The following SEMA6D variants were observed in gnomAD, a reference collection of about 807,000 sequenced individuals.
SEMA6D encodes the protein semaphorin-6D.
A neutral mutation model predicts 106.6 loss-of-function variants in SEMA6D; 35 were observed. The ratio of observed to expected loss-of-function variants is 0.33; its 90% CI spans 0.25 to 0.44. The LOEUF (loss-of-function observed/expected upper bound fraction) is 0.44. Among genes scored for constraint, SEMA6D ranks in the 20% least tolerant of loss-of-function variants. The probability of loss-of-function intolerance (pLI) is 1.00; values close to 1 mark genes in which losing one functional copy is unlikely to be tolerated. For missense variants in SEMA6D, 1,185 were observed against 1,345.9 expected (o/e 0.88, Z 1.87); for synonymous variants, 499 against 487.7 (o/e 1.02, Z -0.31).
At chr15:47,443,972 T>C (rs868147837) in intron 2 of SEMA6D, among the ~76,000 whole-genome samples, 35 of 152,242 alleles carry the variant, frequency 2.3e-4, no homozygotes, top group Middle Eastern at 3.4e-3. Flanking sequence ...AACAAATTGA[T>C]GATTTAGAAG....
chr15:47,557,326 C>G (rs1193957343), intron 3 of SEMA6D, among the ~76,000 whole-genome samples: 1 of 152,178 alleles, frequency 6.6e-6, no homozygotes, highest in East Asian at 1.9e-4. Context: ...AGTTAGCTAC[C>G]TACACTTGGA....
intron 1 of SEMA6D, among the ~76,000 whole-genome samples, chr15:47,284,457 C>T (rs1246989575): frequency 1.3e-5 from 2 of 152,070 alleles, no homozygotes; most frequent in Non-Finnish European, 2.9e-5. Flanking sequence ...TTTTTAAGTC[C>T]GTTGTACTAT....
At chr15:47,559,064 A>G (rs755413278) in intron 3 of SEMA6D, among the ~76,000 whole-genome samples, 10 of 152,092 alleles carry the variant, frequency 6.6e-5, no homozygotes, top group Admixed American at 2.0e-4. Flanking sequence ...AGATTAAGAG[A>G]TTAGAAATGA....
intron 4 of SEMA6D, among the ~76,000 whole-genome samples, chr15:47,691,416 A>T (rs1023825941): frequency 2.0e-5 from 3 of 152,158 alleles, no homozygotes; most frequent in Admixed American, 6.6e-5. Flanking sequence ...ACTGTAGTCA[A>T]AGAGGAGTAC....
chr15:47,365,923 G>GAGAGAGAGAGAGAGAA (rs1245271970), intron 1 of SEMA6D, among the ~76,000 whole-genome samples: 1 of 128,182 alleles, frequency 7.8e-6, no homozygotes, highest in Admixed American at 8.0e-5. Flanking sequence ...GAGAGAGAGA[G>GAGAGAGAGAGAGAGAA]AAAAGAAAGA....
intron 3 of SEMA6D, among the ~76,000 whole-genome samples, chr15:47,483,199 G>A (rs976438455): frequency 6.6e-6 from 1 of 152,056 alleles, no homozygotes; most frequent in African/African-American, 2.4e-5. Flanking sequence ...AATATTTGCT[G>A]GAAAACCTCA....
chr15:47,587,788 CTTTCT>C (rs1158872713), intron 3 of SEMA6D, among the ~76,000 whole-genome samples: 1 of 43,934 alleles, frequency 2.3e-5, no homozygotes, highest in African/African-American at 5.2e-5. Flanking sequence ...TTTACTTTTT[CTTTCT>C]TTTTTTTTTT....
At chr15:47,766,288 T>TTA in intron 15 of SEMA6D, 106 bp downstream of exon 15, 1 of 980,568 alleles carries the variant, frequency 1.0e-6, no homozygotes, top group Non-Finnish European at 1.5e-6. Flanking sequence ...TTTTTTTTTG[T>TTA]TGTTATGGGA....
chr15:47,713,519 G>A (rs2079058274), upstream of SEMA6D, among the ~76,000 whole-genome samples: 1 of 152,172 alleles, frequency 6.6e-6, no homozygotes, highest in Admixed American at 6.5e-5. Flanking sequence ...ATCATGTCAT[G>A]GAGAGCTTAG....
At chr15:47,327,483 T>C (rs1399559982) in intron 1 of SEMA6D, among the ~76,000 whole-genome samples, 1 of 152,214 alleles carries the variant, frequency 6.6e-6, no homozygotes, top group Admixed American at 6.5e-5. Flanking sequence ...GTGGTAAAAT[T>C]ACTTTATATT....
At chr15:47,489,761 C>T (rs955408900) in intron 3 of SEMA6D, among the ~76,000 whole-genome samples, 7 of 152,168 alleles carry the variant, frequency 4.6e-5, no homozygotes, top group African/African-American at 1.7e-4. Flanking sequence ...AAGCGATTCT[C>T]CTGCCTCAGC....
At chr15:47,568,462 A>G (rs1021420226) in intron 3 of SEMA6D, among the ~76,000 whole-genome samples, 1 of 152,188 alleles carries the variant, frequency 6.6e-6, no homozygotes, top group Non-Finnish European at 1.5e-5. Context: ...TCTATATATC[A>G]TTTTTAAATA....
chr15:47,329,386 G>A (rs150290009), intron 1 of SEMA6D, among the ~76,000 whole-genome samples: 3 of 152,314 alleles, frequency 2.0e-5, no homozygotes, highest in East Asian at 1.9e-4. Flanking sequence ...CATGGTTCTT[G>A]TGGTGATCCT....
At chr15:47,428,248 G>A (rs1187041565) in intron 2 of SEMA6D, among the ~76,000 whole-genome samples, 1 of 151,934 alleles carries the variant, frequency 6.6e-6, no homozygotes, top group East Asian at 1.9e-4. Context: ...CCAGCACCAC[G>A]ACATATAAAG....
chr15:47,495,701 A>G (rs1260568549), intron 3 of SEMA6D, among the ~76,000 whole-genome samples: 3 of 152,174 alleles, frequency 2.0e-5, no homozygotes, highest in Middle Eastern at 3.4e-3. Flanking sequence ...CTCTTCATAA[A>G]TATTTTCACA....
chr15:47,290,011 AAAG>A (rs1313002257), intron 1 of SEMA6D, among the ~76,000 whole-genome samples: 1 of 152,188 alleles, frequency 6.6e-6, no homozygotes, highest in African/African-American at 2.4e-5. Flanking sequence ...TCTTAAAAGT[AAAG>A]AAAAACTTCC....
intron 1 of SEMA6D, among the ~76,000 whole-genome samples, chr15:47,271,122 A>T (rs1168718466): frequency 6.6e-6 from 1 of 152,206 alleles, no homozygotes; most frequent in Non-Finnish European, 1.5e-5. Flanking sequence ...GTATTATTTC[A>T]TGGTTTTTTG....
chr15:47,697,789 C>A lies in SEMA6D; in HGVS notation c.-54-61956C>A, dbSNP rs1196814081. ...CTCAACCTGCGCCCCCACTTCCCCC[C>A]GCCTTAGGCGAAGGGCTTATAGCAT... On this transcript the variant is annotated intron_variant, in intron 4 of 19. Coordinates refer to the SEMA6D transcript ENST00000558014. Among the ~76,000 whole-genome samples, 4 of 152,220 alleles carry A rather than the reference C, an allele frequency of 2.6e-5. No individual in the cohort carries two copies. In the East Asian group the frequency reaches 7.7e-4, roughly 29 times the overall value.
At chr15:47,451,376 G>A (rs562827934) in intron 2 of SEMA6D, among the ~76,000 whole-genome samples, 1 of 152,108 alleles carries the variant, frequency 6.6e-6, no homozygotes, top group South Asian at 2.1e-4. Flanking sequence ...ATCTTGGTGA[G>A]GATGCATGGA....
Sources: gnomAD v4.1 joint callset for allele counts (sites outside exome capture counted in the v4.1 genomes callset) on GRCh38, gnomAD v4.1.1 for gene constraint, MANE v1.5 for transcripts, NCBI Gene and HGNC (gene_info 2026-07-23, HGNC 2026-07-21) for gene names.